TAB2: variants seen among roughly 807,000 people sequenced by gnomAD.
TAB2 encodes the protein TGF-beta activated kinase 1 (MAP3K7) binding protein 2.
Under a neutral mutation model 65.0 loss-of-function variants are expected in TAB2, and 3 were observed. The ratio of observed to expected loss-of-function variants is 0.05; its 90% CI spans 0.02 to 0.12. The LOEUF (loss-of-function observed/expected upper bound fraction) is 0.12. Ranked by LOEUF, TAB2 falls within the 10% of genes least tolerant of loss-of-function variation. The pLI is 1.00. For missense variants in TAB2, 623 were observed against 840.3 expected, an observed-to-expected ratio of 0.74 and a Z score of 3.20; for synonymous variants, 298 against 285.1, an observed-to-expected ratio of 1.05 and a Z score of -0.46.
intron 1 of TAB2, chr6:149,245,310 GA>G (rs560633692): frequency 1.3e-3 from 204 of 152,298 alleles, no homozygotes; most frequent in African/African-American, 4.6e-3. Context: ...ATGTAGTGGT[GA>G]CCAGAGGACT....
chr6:149,255,682 A>G (rs952840229), intron 1 of TAB2, among the ~76,000 whole-genome samples: 5 of 152,236 alleles, frequency 3.3e-5, no homozygotes, highest in African/African-American at 1.2e-4. Flanking sequence ...TTGATTAGCT[A>G]TTATAATTAT....
chr6:149,366,390 G>A (rs946547866), intron 1 of TAB2, among the ~76,000 whole-genome samples: 3 of 152,078 alleles, frequency 2.0e-5, no homozygotes, highest in African/African-American at 7.2e-5. Context: ...TTTATACACA[G>A]AATTTAGGGC....
intron 2 of TAB2, among the ~76,000 whole-genome samples, chr6:149,372,565 T>C (rs945942251): frequency 6.6e-6 from 1 of 152,172 alleles, no homozygotes; most frequent in African/African-American, 2.4e-5. Context: ...AATATCACCT[T>C]CCCTATGTTA....
intron 1 of TAB2, among the ~76,000 whole-genome samples, chr6:149,248,166 TG>T (rs1777766645): frequency 6.6e-6 from 1 of 151,940 alleles, no homozygotes; most frequent in East Asian, 1.9e-4. Flanking sequence ...CCGAGGTGAG[TG>T]GGTCACCTGA....
intron 1 of TAB2, among the ~76,000 whole-genome samples, chr6:149,249,707 C>T (rs951895116): frequency 2.0e-5 from 3 of 152,080 alleles, no homozygotes; most frequent in African/African-American, 7.2e-5. Flanking sequence ...GGCGCCCTCA[C>T]TCTCAGGCTC....
At chr6:149,381,890 C>T (rs1271486269) in intron 3 of TAB2, among the ~76,000 whole-genome samples, 1 of 152,032 alleles carries the variant, frequency 6.6e-6, no homozygotes, top group Non-Finnish European at 1.5e-5. Flanking sequence ...CTTACTTCCC[C>T]CATCATCACT....
rs1298336581 is a variant in TAB2 at position 149,403,313 on chromosome 6, T to TATATAC, written c.1939+4130_1939+4131insTATACA. Among the ~76,000 whole-genome samples the TATATAC allele has an allele frequency of 1.5e-4, 10 of 66,866 alleles. 1 individual carries two copies. The highest frequency in any genetic ancestry group is 2.9e-4 in the Non-Finnish European group (10 of 34,302). 43.9% of individuals were successfully genotyped at this position (66,866 alleles called of 152,430 possible). A position where few individuals can be genotyped will look rare whatever the true frequency, so the allele number is the denominator to read the frequency against. The stretch of plus-strand genomic sequence containing the variant: ...ACACACACATATATATATATATATA[T>TATATAC]ACACACACATATATATACATATATA... On this transcript the variant is annotated intron_variant, in intron 6 of 6. Coordinates refer to ENST00000637181, the MANE Select transcript of TAB2 (RefSeq NM_001292034.3).
Position 149,370,066 on chromosome 6 carries a change from A to G in TAB2, c.69A>G (p.Val23=). Residue 23 remains valine (V), a synonymous_variant, in exon 2 of 7, where the codon GTA becomes GTG. Transcript: ENST00000637181. ...ACCTGCGACAAAAATTCCCTGAAGT[A>G]CCTGAAGTTGTTGTATCCAGGTGCA... The part of the protein sequence containing the change: ...LHDLRQKFPE[V]PEVVVSRCML... 6 of 1,614,110 alleles carry G rather than the reference A, an allele frequency of 3.7e-6. No individual in the cohort carries two copies. Among genetic ancestry groups the G allele is most frequent in the Non-Finnish European group, 5.1e-6 (6 of 1,179,986 alleles).
At chr6:149,244,397 G>C (rs1163334078) in intron 1 of TAB2, 1 of 152,276 alleles carries the variant, frequency 6.6e-6, no homozygotes, top group Non-Finnish European at 1.5e-5. Flanking sequence ...ACAAAGAAAC[G>C]TGCAGTGAAG....
At chr6:149,294,096 T>G (rs1044375626) in intron 1 of TAB2, among the ~76,000 whole-genome samples, 1 of 152,220 alleles carries the variant, frequency 6.6e-6, no homozygotes, top group South Asian at 2.1e-4. Context: ...GCCTTTATTT[T>G]GTTTTAGTCA....
intron 1 of TAB2, among the ~76,000 whole-genome samples, chr6:149,288,613 C>T (rs1442908040): frequency 2.0e-5 from 3 of 152,168 alleles, no homozygotes; most frequent in African/African-American, 7.2e-5. Context: ...CTCCAGAACA[C>T]TTCTCAAATA....
chr6:149,235,302 AT>A (rs1777475757), intron 1 of TAB2, among the ~76,000 whole-genome samples: 1 of 152,244 alleles, frequency 6.6e-6, no homozygotes, highest in Non-Finnish European at 1.5e-5. Flanking sequence ...GGAAAACAGA[AT>A]TTTGAAGGCT....
chr6:149,275,013 C>T (rs577880846), intron 1 of TAB2, among the ~76,000 whole-genome samples: 25 of 152,106 alleles, frequency 1.6e-4, no homozygotes, highest in African/African-American at 5.5e-4. Flanking sequence ...CTCTCTCCAC[C>T]CCACTGCAGG....
rs901736553 is a variant in TAB2 at position 149,317,838 on chromosome 6, G to T, written c.-267G>T. The T allele has an allele frequency of 4.3e-5, 7 of 163,272 alleles. No homozygotes were observed. The highest frequency in any genetic ancestry group is 7.9e-5 in the Non-Finnish European group (6 of 75,474). 10.1% of individuals were successfully genotyped at this position (163,272 alleles called of 1,614,324 possible). A position where few individuals can be genotyped will look rare whatever the true frequency, so the allele number is the denominator to read the frequency against. On this transcript the variant is annotated 5_prime_UTR_variant, in exon 1 of 7. Coordinates refer to ENST00000637181, the MANE Select transcript of TAB2 (RefSeq NM_001292034.3). The surrounding 1 kb of genome is among the most constrained non-coding windows in gnomAD (Gnocchi z 4.7). ...TTGGCGGCGGCGGGCGAGCGGAGGG[G>T]GCTGAGCGGGGAGGGAGGGAGGGCT... is the stretch of plus-strand genomic sequence containing the variant.
At chr6:149,277,016 G>T (rs1376005218) in intron 1 of TAB2, among the ~76,000 whole-genome samples, 1 of 152,162 alleles carries the variant, frequency 6.6e-6, no homozygotes, top group African/African-American at 2.4e-5. Context: ...ATAAAGGGTT[G>T]CCCCTTTCAC....
In TAB2 at chr6:149,381,569, C is replaced by CTTTTT. The variant is rs557951574; in HGVS notation, c.1603+2069_1603+2073dup. ...TGCTATCTTCAATTCCCCTCCTATT[C>CTTTTT]TTTTTTTTTTTTTTTTTTTTTTGGG... On this transcript the variant is annotated intron_variant, in intron 3 of 6. Transcript: ENST00000637181. 3.5e-4 allele frequency among the ~76,000 whole-genome samples: 33 copies of CTTTTT among 95,496 alleles called. 1 individual carries two copies. The highest frequency in any genetic ancestry group is 4.6e-4 in the Non-Finnish European group (23 of 49,498). The allele number at this position is 95,496 out of a possible 152,430, so 62.6% of individuals were successfully genotyped here.
At chr6:149,299,807 G>A (rs1778939318) in intron 1 of TAB2, among the ~76,000 whole-genome samples, 2 of 151,894 alleles carry the variant, frequency 1.3e-5, no homozygotes, top group Admixed American at 1.3e-4. Context: ...CTAGGAGTTC[G>A]AGACTGGCCT....
intron 1 of TAB2, among the ~76,000 whole-genome samples, chr6:149,262,556 G>T (rs183211142): frequency 1.4e-4 from 21 of 151,854 alleles, no homozygotes; most frequent in Admixed American, 1.3e-3. Flanking sequence ...AATCTCATAT[G>T]CTAGAGTTGT....
chr6:149,402,467 C>CAGCATGGA (rs910288882), intron 6 of TAB2, among the ~76,000 whole-genome samples: 1 of 152,002 alleles, frequency 6.6e-6, no homozygotes, highest in African/African-American at 2.4e-5. Context: ...AACAAATATC[C>CAGCATGGA]AGCATGGATT....
Sources: gnomAD v4.1 joint callset for allele counts (sites outside exome capture counted in the v4.1 genomes callset) on GRCh38, gnomAD v4.1.1 for gene constraint, Gnocchi (gnomAD v3.1) non-coding constraint, MANE v1.5 for transcripts, NCBI Gene and HGNC (gene_info 2026-07-23, HGNC 2026-07-21) for gene names.